Variants in MAP7 observed in about 807,000 individuals in gnomAD.
MAP7 encodes ensconsin.
MAP7 carries 52 observed loss-of-function variants against 94.8 expected under a neutral mutation model. The observed-to-expected ratio is 0.55, with a 90% CI of 0.44 to 0.69. The LOEUF is 0.69. MAP7 is among the 30% of genes least tolerant of loss of function. The probability of loss-of-function intolerance (pLI) is 0.00; values close to 1 mark genes in which losing one functional copy is unlikely to be tolerated. For synonymous variants in MAP7, 350 were observed against 357.0 expected (o/e 0.98, Z 0.22); for missense variants, 940 against 964.6 (o/e 0.97, Z 0.34).
intron 1 of MAP7, among the ~76,000 whole-genome samples, chr6:136,516,614 T>A (rs186680337): frequency 5.2e-4 from 79 of 152,310 alleles, no homozygotes; most frequent in Non-Finnish European, 4.1e-4. Flanking sequence ...GGCATATATA[T>A]GTTCAATTAT....
At position 136,365,914 on chromosome 6, in the gene MAP7, G is replaced by C. The variant is rs753141068; in HGVS notation, c.1094C>G (p.Ser365Cys). ...CTTGACAGGGCGGATGTTGCCGGGG[G>C]ATGGGGGCCGGACCTGAGCAGGAGC... is the stretch of plus-strand genomic sequence containing the variant. ...KAAPAQVRPP[S>C]PGNIRPVKRE... The change falls in exon 10 of 18, where the codon TCC becomes TGC. Residue 365 changes from serine to cysteine, a missense_variant. By Grantham distance (112) the Ser-to-Cys change is moderately radical. Coordinates refer to ENST00000354570, the MANE Select transcript of MAP7 (RefSeq NM_003980.6). The C allele has an allele frequency of 4.3e-6, 7 of 1,614,182 alleles. No homozygotes were observed. The South Asian group carries it at 7.7e-5, about 18-fold the overall frequency.
At chr6:136,461,141 G>A (rs542992554) in intron 1 of MAP7, among the ~76,000 whole-genome samples, 41 of 152,130 alleles carry the variant, frequency 2.7e-4, no homozygotes, top group African/African-American at 9.6e-4. Flanking sequence ...AAGTATTTAC[G>A]AAAACTCCAA....
chr6:136,395,441 T>C (rs1782190341), intron 3 of MAP7, among the ~76,000 whole-genome samples: 1 of 149,968 alleles, frequency 6.7e-6, no homozygotes, highest in Non-Finnish European at 1.5e-5. Flanking sequence ...CACTATTGAG[T>C]TCCTTACATA....
chr6:136,462,954 C>CAAAAAAAAAAAAAAAAAAA (rs5880296), intron 1 of MAP7, among the ~76,000 whole-genome samples: 1 of 124,944 alleles, frequency 8.0e-6, no homozygotes, highest in African/African-American at 3.2e-5. Context: ...GATCCTATCT[C>CAAAAAAAAAAAAAAAAAAA]AAAAAAAAAA....
intron 1 of MAP7, among the ~76,000 whole-genome samples, chr6:136,469,209 A>T (rs886506234): frequency 2.6e-5 from 4 of 152,140 alleles, no homozygotes; most frequent in African/African-American, 9.7e-5. Flanking sequence ...CTAAATCCAC[A>T]CATCATTCTT....
intron 10 of MAP7, chr6:136,365,126 TTGAGATTTACATTTCTACTTC>T (rs1352060279): frequency 6.6e-6 from 1 of 152,264 alleles, no homozygotes; most frequent in Non-Finnish European, 1.5e-5. Flanking sequence ...GATGTATGAT[TTGAGATTTACATTTCTACTTC>T]TGCTTCCACA....
chr6:136,356,647 A>C (rs1271219664), intron 16 of MAP7, 45 bp downstream of exon 16: 1 of 1,466,016 alleles, frequency 6.8e-7, no homozygotes, highest in African/African-American at 1.4e-5. Context: ...GCTGGTGGGT[A>C]AAAACAGTAA....
intron 1 of MAP7, among the ~76,000 whole-genome samples, chr6:136,546,446 G>A (rs987343736): frequency 1.3e-5 from 2 of 149,580 alleles, no homozygotes; most frequent in African/African-American, 4.9e-5. Context: ...TTGATTTTTA[G>A]ATCCTACAAA....
chr6:136,424,988 C>G (rs1792713019), intron 1 of MAP7, among the ~76,000 whole-genome samples: 1 of 152,226 alleles, frequency 6.6e-6, no homozygotes, highest in Non-Finnish European at 1.5e-5. Flanking sequence ...ATACTAGGTT[C>G]CCAAGACCCT....
At chr6:136,501,510 G>A (rs1053867218) in intron 1 of MAP7, among the ~76,000 whole-genome samples, 8 of 152,098 alleles carry the variant, frequency 5.3e-5, no homozygotes, top group Non-Finnish European at 8.8e-5. Flanking sequence ...TCATGATGGT[G>A]GTTGTCATTT....
chr6:136,399,055 G>A (rs1238481013), intron 3 of MAP7, among the ~76,000 whole-genome samples: 1 of 152,190 alleles, frequency 6.6e-6, no homozygotes, highest in East Asian at 1.9e-4. Flanking sequence ...CAGACTTGTT[G>A]TCTCAGTTTC....
At chr6:136,352,577 T>C (rs1358596896) in intron 16 of MAP7, among the ~76,000 whole-genome samples, 1 of 152,162 alleles carries the variant, frequency 6.6e-6, no homozygotes, top group African/African-American at 2.4e-5. Context: ...ACCAAAATCA[T>C]AGTTACTCCA....
chr6:136,348,073 G>C (rs1159075637), intron 16 of MAP7, among the ~76,000 whole-genome samples: 1 of 150,666 alleles, frequency 6.6e-6, no homozygotes, highest in Non-Finnish European at 1.5e-5. Context: ...AAGTGCCTGG[G>C]CTGCCACACC....
At chr6:136,356,829 C>T (rs1288612500) in intron 15 of MAP7, 35 bp from the exon 16 acceptor site, 1 of 1,542,086 alleles carries the variant, frequency 6.5e-7, no homozygotes, top group South Asian at 1.1e-5. Context: ...CACAGGGTTA[C>T]TAATATTCTT....
intron 1 of MAP7, chr6:136,525,908 C>G: frequency 6.5e-7 from 1 of 1,535,130 alleles, no homozygotes; most frequent in East Asian, 2.4e-5. Context: ...GAGGAATTGG[C>G]CTTGCATTGG....
intron 1 of MAP7, among the ~76,000 whole-genome samples, chr6:136,538,052 G>A (rs977145117): frequency 9.2e-5 from 14 of 152,298 alleles, no homozygotes; most frequent in Non-Finnish European, 2.1e-4. Flanking sequence ...AAAGTGCTGG[G>A]ATTACAGGCG....
chr6:136,462,865 G>C (rs907328570), intron 1 of MAP7, among the ~76,000 whole-genome samples: 1 of 151,708 alleles, frequency 6.6e-6, no homozygotes, highest in African/African-American at 2.4e-5. Flanking sequence ...GGGAGGCTGA[G>C]GTGGGAGGAT....
At chr6:136,547,118 A>G (rs1447368703) in intron 1 of MAP7, among the ~76,000 whole-genome samples, 1 of 152,220 alleles carries the variant, frequency 6.6e-6, no homozygotes. Context: ...GTGGACCCTT[A>G]GAGTTAAGTG....
At chr6:136,507,574 C>A (rs919728262) in intron 1 of MAP7, among the ~76,000 whole-genome samples, 12 of 151,158 alleles carry the variant, frequency 7.9e-5, no homozygotes. Flanking sequence ...AAAATTTAGA[C>A]ATCTTAGCAG....
Sources: allele counts gnomAD v4.1 joint callset (sites outside exome capture counted in the v4.1 genomes callset), GRCh38; gene constraint gnomAD v4.1.1; transcripts MANE v1.5; gene names NCBI Gene and HGNC (gene_info 2026-07-23, HGNC 2026-07-21).